Variants in ECD observed in about 807,000 individuals in gnomAD.
ECD encodes the protein ecdysoneless cell cycle regulator.
Under a neutral mutation model 77.2 loss-of-function variants are expected in ECD, and 59 were observed. The observed-to-expected ratio is 0.76, with a 90% CI of 0.62 to 0.95. The LOEUF (loss-of-function observed/expected upper bound fraction) is 0.95, where lower values mean the gene tolerates loss of function less well. ECD is among the 40% of genes least tolerant of loss of function. The probability of loss-of-function intolerance (pLI) is 0.00; values close to 1 mark genes in which losing one functional copy is unlikely to be tolerated. For missense variants in ECD, 704 were observed against 763.4 expected (o/e 0.92, Z 0.92); for synonymous variants, 233 against 267.4 (o/e 0.87, Z 1.26).
At chr10:73,152,946 A>C (rs1017454996) in intron 6 of ECD, among the ~76,000 whole-genome samples, 1 of 151,398 alleles carries the variant, frequency 6.6e-6, no homozygotes, top group Non-Finnish European at 1.5e-5. Context: ...CCTACTTTTT[A>C]GTAATCGCTA....
intron 9 of ECD, among the ~76,000 whole-genome samples, chr10:73,143,886 G>A (rs1400489517): frequency 7.3e-6 from 1 of 136,868 alleles, no homozygotes; most frequent in Non-Finnish European, 1.5e-5. Context: ...ATTTAGATCA[G>A]TGGTTCCCAT....
intron 13 of ECD, among the ~76,000 whole-genome samples, chr10:73,135,273 C>T (rs1025983141): frequency 4.6e-5 from 7 of 152,176 alleles, no homozygotes; most frequent in African/African-American, 1.4e-4. Flanking sequence ...GTGGTTCCAA[C>T]CACAAAGATT....
Position 73,164,867 on chromosome 10 carries a change from A to T in ECD, c.-13-917T>A, listed in dbSNP as rs1843431284. On this transcript the variant is annotated intron_variant, in intron 1 of 13. Transcript: ENST00000372979. ...ATAGAAATCTAGTATCACATTCCCCAATTAGTAAGTATGTAAGAATAAAAT... is the reference window on the plus strand; with the variant it reads ...ATAGAAATCTAGTATCACATTCCCCTATTAGTAAGTATGTAAGAATAAAAT... 2.6e-5 allele frequency among the ~76,000 whole-genome samples: 4 copies of T among 152,316 alleles called. No homozygotes were observed. The South Asian group carries it at 8.3e-4, about 32-fold the overall frequency.
At chr10:73,137,775 C>CA (rs1196092650) in intron 12 of ECD, among the ~76,000 whole-genome samples, 15,624 of 92,662 alleles carry the variant, frequency 0.17, 1,203 homozygotes, top group East Asian at 0.38. Flanking sequence ...GACACTGTCT[C>CA]AAAAAAAAAA....
At chr10:73,146,121 G>A (rs1218015357) in intron 9 of ECD, among the ~76,000 whole-genome samples, 155 bp downstream of exon 9, 2 of 150,298 alleles carry the variant, frequency 1.3e-5, no homozygotes, top group Non-Finnish European at 3.0e-5. Context: ...TGGTGTGATC[G>A]CTTGAGCCCA....
intron 1 of ECD, among the ~76,000 whole-genome samples, chr10:73,164,497 C>T (rs983616176): frequency 6.6e-6 from 1 of 151,954 alleles, no homozygotes; most frequent in Non-Finnish European, 1.5e-5. Context: ...GATGGAGTTT[C>T]ACTCTTGTTG....
At chr10:73,157,612 C>T (rs1401202472) in intron 3 of ECD, among the ~76,000 whole-genome samples, 1 of 151,306 alleles carries the variant, frequency 6.6e-6, no homozygotes, top group Non-Finnish European at 1.5e-5. Context: ...ATCCCAGCTA[C>T]TCGGGAGGCT....
At chr10:73,135,053 C>T (rs1178704160) in intron 13 of ECD, among the ~76,000 whole-genome samples, 3 of 151,996 alleles carry the variant, frequency 2.0e-5, no homozygotes, top group East Asian at 3.9e-4. Context: ...TCCTGCAAAT[C>T]GAATAAATTG....
intron 3 of ECD, among the ~76,000 whole-genome samples, chr10:73,159,218 T>C (rs936329809): frequency 6.6e-6 from 1 of 152,234 alleles, no homozygotes; most frequent in African/African-American, 2.4e-5. Flanking sequence ...TAGGACAAAA[T>C]ATAAGTGGGC....
chr10:73,154,072 G>T (rs903133895), intron 6 of ECD, among the ~76,000 whole-genome samples, 184 bp downstream of exon 6: 1 of 152,158 alleles, frequency 6.6e-6, no homozygotes, highest in Admixed American at 6.5e-5. Context: ...AAGCATTTCA[G>T]ATAAGGAATA....
At chr10:73,161,091 A>T (rs990930900) in intron 2 of ECD, among the ~76,000 whole-genome samples, 1 of 152,126 alleles carries the variant, frequency 6.6e-6, no homozygotes, top group Non-Finnish European at 1.5e-5. Flanking sequence ...CCAAAACTTA[A>T]GGAATTCAGT....
At chr10:73,149,455 C>T (rs550856257) in intron 7 of ECD, among the ~76,000 whole-genome samples, 5 of 152,310 alleles carry the variant, frequency 3.3e-5, no homozygotes, top group African/African-American at 1.2e-4. Context: ...GCTGGATACA[C>T]AGTGGCAGCA....
rs1311969597 is a variant in ECD at position 73,148,364 on chromosome 10, T to C, written c.953A>G (p.His318Arg). 1.2e-6 allele frequency: 2 copies of C among 1,613,732 alleles called. No homozygotes were observed. The highest frequency in any genetic ancestry group is 1.7e-5 in the Admixed American group (1 of 59,972). Residue 318 changes from histidine (H) to arginine (R), a missense_variant, in exon 8 of 14, where the codon CAT becomes CGT. This residue lies in a region of ECD where 559 missense variants were observed against 583.7 expected (regional missense o/e 0.96). Transcript: ENST00000372979. Reference sequence around the variant, plus strand: ...AAGGGATTTCTTGCAGTCAGAAAAATGTGGGCTACATTTGGAGCATAAGAT... The same window carrying C: ...AAGGGATTTCTTGCAGTCAGAAAAACGTGGGCTACATTTGGAGCATAAGAT... ...FEILCSKCSP[H>R]FSDCKKSLVT...
chr10:73,154,251 C>T lies in ECD; in HGVS notation c.783+5G>A, dbSNP rs764366550. ...GAAACTAAATGACCAAGATAGAAAT[C>T]TCACCGATGTCATTATTCGTGTTTC... On this transcript the variant is annotated splice_donor_5th_base_variant and intron_variant, in intron 6 of 13. Coordinates refer to ENST00000372979, the MANE Select transcript of ECD (RefSeq NM_007265.3). The T allele has an allele frequency of 2.7e-5, 43 of 1,581,432 alleles. No individual in the cohort carries two copies. Among genetic ancestry groups the T allele is most frequent in the Non-Finnish European group, 3.4e-5 (39 of 1,163,972 alleles).
intron 2 of ECD, 72 bp downstream of exon 2, chr10:73,163,661 G>A: frequency 6.9e-7 from 1 of 1,444,492 alleles, no homozygotes; most frequent in East Asian, 2.3e-5. Context: ...ATGAAGCGTG[G>A]ACTATTACAC....
chr10:73,141,020 T>A (rs1326762179), intron 9 of ECD, among the ~76,000 whole-genome samples: 1 of 152,034 alleles, frequency 6.6e-6, no homozygotes, highest in East Asian at 1.9e-4. Context: ...AATGCTATGC[T>A]AACACTTTAA....
rs777480824 is a variant in ECD at position 73,154,376 on chromosome 10, T to C, written c.663A>G (p.Leu221=). 1 of 1,614,166 alleles carries C rather than the reference T, an allele frequency of 6.2e-7. No individual in the cohort carries two copies. Among genetic ancestry groups the C allele is most frequent in the Non-Finnish European group, 8.5e-7 (1 of 1,180,026 alleles). The change falls in exon 6 of 14, where the codon CTA becomes CTG. Residue 221 remains leucine, a synonymous_variant. Coordinates refer to ENST00000372979, the MANE Select transcript of ECD (RefSeq NM_007265.3). ...CFLPAGIVAV[L]KQRPRLVAAA... ...CAGCCACCAATCTGGGGCGCTGCTT[T>C]AGCACTGCCACAATGCCAGCTGGAA...
chr10:73,152,244 A>C (rs1843220147), intron 7 of ECD, 49 bp downstream of exon 7: 1 of 1,594,132 alleles, frequency 6.3e-7, no homozygotes, highest in East Asian at 2.3e-5. Flanking sequence ...TTCTATTAAG[A>C]GTCCATTTAC....
intron 9 of ECD, among the ~76,000 whole-genome samples, chr10:73,142,844 A>T (rs899031188): frequency 4.6e-5 from 7 of 152,002 alleles, no homozygotes; most frequent in African/African-American, 1.7e-4. Context: ...TATTCCCCTA[A>T]ATAACTGAAT....
Sources: gnomAD v4.1 joint callset for allele counts (sites outside exome capture counted in the v4.1 genomes callset) on GRCh38, gnomAD v4.1.1 for gene constraint, gnomAD v4.1.1 regional missense constraint, MANE v1.5 for transcripts, NCBI Gene and HGNC (gene_info 2026-07-23, HGNC 2026-07-21) for gene names.